KIAA1549L: variants seen among roughly 807,000 people sequenced by gnomAD.
KIAA1549L encodes UPF0606 protein KIAA1549L.
Under a neutral mutation model 160.7 loss-of-function variants are expected in KIAA1549L, and 88 were observed. The ratio of observed to expected loss-of-function variants is 0.55; its 90% CI spans 0.46 to 0.65. The LOEUF (loss-of-function observed/expected upper bound fraction) is 0.65, where lower values mean the gene tolerates loss of function less well. KIAA1549L is among the 30% of genes least tolerant of loss of function. The pLI is 0.00. For synonymous variants in KIAA1549L, 950 were observed against 976.7 expected (o/e 0.97, Z 0.51); for missense variants, 2,258 against 2,437.5 (o/e 0.93, Z 1.55).
intron 1 of KIAA1549L, among the ~76,000 whole-genome samples, chr11:33,500,917 T>C (rs1397239998): frequency 3.3e-5 from 5 of 152,146 alleles, no homozygotes. Context: ...GAGGTTTTGT[T>C]ACTGTTATAC....
chr11:33,481,269 AT>A (rs1852406489), intron 1 of KIAA1549L, among the ~76,000 whole-genome samples: 2 of 152,230 alleles, frequency 1.3e-5, no homozygotes, highest in Admixed American at 6.5e-5. Flanking sequence ...ATTACTATTT[AT>A]TTATTTCTCA....
chr11:33,571,928 G>A lies in KIAA1549L; in HGVS notation c.4231-2774G>A, dbSNP rs1447721332. 3.3e-5 allele frequency among the ~76,000 whole-genome samples: 5 copies of A among 152,146 alleles called. No homozygotes were observed. The East Asian group carries it at 9.6e-4, about 29-fold the overall frequency. ...GCATACCAAAGCTCTGAAAAGACCTGAAGTAAAGACATCTCCTTAATTTTC... is the reference window on the plus strand; with the variant it reads ...GCATACCAAAGCTCTGAAAAGACCTAAAGTAAAGACATCTCCTTAATTTTC... On this transcript the variant is annotated intron_variant, in intron 9 of 20. Transcript: ENST00000658780.
At chr11:33,506,100 C>G (rs1853079809) in intron 1 of KIAA1549L, among the ~76,000 whole-genome samples, 1 of 152,148 alleles carries the variant, frequency 6.6e-6, no homozygotes, top group Admixed American at 6.5e-5. Flanking sequence ...GGATTTGAAC[C>G]CAGGCAGTCT....
intron 1 of KIAA1549L, among the ~76,000 whole-genome samples, chr11:33,392,835 G>A (rs1028404991): frequency 6.6e-6 from 1 of 152,090 alleles, no homozygotes; most frequent in African/African-American, 2.4e-5. Context: ...CAAAGTGCTG[G>A]GATTACAGGT....
At chr11:33,660,785 A>G (rs1391060601) in intron 19 of KIAA1549L, 78 bp from the exon 20 acceptor site, 6 of 1,450,668 alleles carry the variant, frequency 4.1e-6, no homozygotes, top group Middle Eastern at 2.0e-4. Flanking sequence ...AATGAAACTG[A>G]CTTTATTTGG....
At chr11:33,638,421 AT>A (rs1373586698) in intron 16 of KIAA1549L, among the ~76,000 whole-genome samples, 191 of 13,546 alleles carry the variant, frequency 0.014, no homozygotes, top group Non-Finnish European at 0.015. Flanking sequence ...TCTAAAATAA[AT>A]AAAAAAAAAA....
At chr11:33,637,798 C>T (rs531556540) in intron 16 of KIAA1549L, among the ~76,000 whole-genome samples, 9 of 152,330 alleles carry the variant, frequency 5.9e-5, no homozygotes, top group African/African-American at 2.2e-4. Flanking sequence ...CCCAAGGGTC[C>T]ACTCTAATGA....
At chr11:33,585,317 G>A (rs1410206452) in intron 11 of KIAA1549L, among the ~76,000 whole-genome samples, 1 of 152,178 alleles carries the variant, frequency 6.6e-6, no homozygotes, top group African/African-American at 2.4e-5. Context: ...TCAGGAGTTT[G>A]AGACTAGCCT....
intron 10 of KIAA1549L, 28 bp from the exon 11 acceptor site, chr11:33,583,310 T>C (rs2133268025): frequency 1.3e-6 from 2 of 1,583,348 alleles, no homozygotes; most frequent in Non-Finnish European, 1.7e-6. Flanking sequence ...TTGCTTGTCA[T>C]GTCCCTCCTG....
At chr11:33,520,678 A>C (rs375358335) in intron 1 of KIAA1549L, among the ~76,000 whole-genome samples, 2,200 of 75,640 alleles carry the variant, frequency 0.029, 68 homozygotes, top group African/African-American at 0.098. Flanking sequence ...TACACCCCCC[A>C]CCCCCAACAC....
At chr11:33,392,118 C>T (rs1850282815) in intron 1 of KIAA1549L, among the ~76,000 whole-genome samples, 1 of 152,298 alleles carries the variant, frequency 6.6e-6, no homozygotes, top group African/African-American at 2.4e-5. Context: ...CCTAAGGGCA[C>T]ATTGCTTGTA....
At chr11:33,469,890 G>A (rs557444825) in intron 1 of KIAA1549L, among the ~76,000 whole-genome samples, 1 of 152,226 alleles carries the variant, frequency 6.6e-6, no homozygotes, top group African/African-American at 2.4e-5. Context: ...TTGCTTAACT[G>A]TAAGAGCTCT....
chr11:33,386,934 C>G (rs549736280), intron 1 of KIAA1549L, among the ~76,000 whole-genome samples: 6 of 152,004 alleles, frequency 3.9e-5, no homozygotes, highest in African/African-American at 1.2e-4. Context: ...TGATGAAACC[C>G]CGTCTCTACT....
At chr11:33,578,933 G>C (rs1412971400) in intron 10 of KIAA1549L, among the ~76,000 whole-genome samples, 2 of 152,162 alleles carry the variant, frequency 1.3e-5, no homozygotes, top group Non-Finnish European at 2.9e-5. Context: ...GGAAGATCTA[G>C]CTCCAGTTCC....
At chr11:33,636,213 A>G (rs1851432895) in intron 16 of KIAA1549L, among the ~76,000 whole-genome samples, 1 of 152,140 alleles carries the variant, frequency 6.6e-6, no homozygotes, top group African/African-American at 2.4e-5. Context: ...AAAGGGTGAG[A>G]GTGGTAACGC....
intron 3 of KIAA1549L, 94 bp downstream of exon 3, chr11:33,545,472 G>C: frequency 7.1e-7 from 1 of 1,403,534 alleles, no homozygotes; most frequent in Non-Finnish European, 9.4e-7. Flanking sequence ...TCAACCAGGG[G>C]ACATTTTTCC....
In KIAA1549L at chr11:33,606,682, A is replaced by G; in HGVS notation, c.4921A>G (p.Asn1641Asp). 6.2e-7 allele frequency: 1 copy of G among 1,613,958 alleles called. No homozygotes were observed. Among genetic ancestry groups the G allele is most frequent in the Non-Finnish European group, 8.5e-7 (1 of 1,179,866 alleles). ...AGAGGAGGGAGCGGTTCTATTTGAC[A>G]ACTCCAGCAAGGTGGCCGCTGAACC... Reference protein sequence around the residue: ...DEEEGAVLFDNSSKVAAEPFD... With the variant: ...DEEEGAVLFDDSSKVAAEPFD... The change falls in exon 14 of 21, where the codon AAC (asparagine) becomes GAC (aspartate). Residue 1641 changes from asparagine to aspartate, a missense_variant. By Grantham distance (23) the Asn-to-Asp change is conservative. Transcript: ENST00000658780.
Position 33,646,029 on chromosome 11 carries a change from C to G in KIAA1549L, c.5753C>G (p.Pro1918Arg). 6.4e-7 allele frequency: 1 copy of G among 1,561,642 alleles called. No individual in the cohort carries two copies. Among genetic ancestry groups the G allele is most frequent in the Non-Finnish European group, 8.7e-7 (1 of 1,152,110 alleles). ...YRPEMYQYSL[P>R]RPAYRFSQLP... ...CCAGAAATGTATCAGTACAGTCTGC[C>G]CCGGCCGGTAAGTCATTCATTCCAC... is the stretch of plus-strand genomic sequence containing the variant. The change falls in exon 17 of 21, where the codon CCC becomes CGC. Residue 1918 changes from proline (P) to arginine (R), a missense_variant. Pro to Arg is a moderately radical substitution (Grantham distance 103). Transcript: ENST00000658780.
intron 1 of KIAA1549L, among the ~76,000 whole-genome samples, chr11:33,433,376 T>G (rs11032271): frequency 0.03 from 4,619 of 152,130 alleles, 236 homozygotes; most frequent in African/African-American, 0.11. Flanking sequence ...GAAATGCAAA[T>G]CAAAACCACA....
Sources: gnomAD v4.1 joint callset for allele counts (sites outside exome capture counted in the v4.1 genomes callset) on GRCh38, gnomAD v4.1.1 for gene constraint, MANE v1.5 for transcripts, NCBI Gene and HGNC (gene_info 2026-07-23, HGNC 2026-07-21) for gene names.